PPP1R9B: variants seen among roughly 807,000 people sequenced by gnomAD.
PPP1R9B encodes the protein protein phosphatase 1 regulatory subunit 9B, also known as neurabin-2.
Under a neutral mutation model 75.8 loss-of-function variants are expected in PPP1R9B, and 17 were observed. The observed-to-expected ratio is 0.22, with a 90% CI of 0.15 to 0.34. The LOEUF is 0.34. Ranked by LOEUF, PPP1R9B falls within the 10% of genes least tolerant of loss-of-function variation. PPP1R9B has a pLI of 1.00. For synonymous variants in PPP1R9B, 509 were observed against 535.4 expected, an observed-to-expected ratio of 0.95 and a Z score of 0.68; for missense variants, 875 against 1,196.0, an observed-to-expected ratio of 0.73 and a Z score of 3.96.
chr17:50,149,188 G>GTCC lies in PPP1R9B; in HGVS notation c.1323_1325dup (p.Glu441dup). The GTCC allele has an allele frequency of 6.3e-7, 1 of 1,585,632 alleles. No homozygotes were observed. The highest frequency in any genetic ancestry group is 8.6e-7 in the Non-Finnish European group (1 of 1,166,240). Reference sequence around the variant, plus strand: ...AATGGATCTTCCGGCTCGGGGCTGGGTCCTCCTCCTCCGACAGCCCCGGGA... The same window carrying GTCC: ...AATGGATCTTCCGGCTCGGGGCTGGGTCCTCCTCCTCCTCCGACAGCCCCGGGA... On this transcript the variant is annotated inframe_insertion, in exon 1 of 10. Transcript: ENST00000612501. This position sits in a 1 kb window ranked among gnomAD's most constrained non-coding sequence, Gnocchi z 7.2.
intron 2 of PPP1R9B, among the ~76,000 whole-genome samples, chr17:50,144,754 G>A (rs995539088): frequency 3.9e-5 from 6 of 152,292 alleles, no homozygotes; most frequent in African/African-American, 1.4e-4. Context: ...GAGATTAGAT[G>A]TGACTGTGCC....
intron 7 of PPP1R9B, among the ~76,000 whole-genome samples, chr17:50,137,606 G>A (rs1419873257): frequency 2.0e-5 from 3 of 152,152 alleles, no homozygotes; most frequent in East Asian, 1.9e-4. Flanking sequence ...CACTGTCTGG[G>A]CCCCTAACCA....
At chr17:50,140,355 G>C (rs183445010) in intron 4 of PPP1R9B, 127 bp from the exon 5 acceptor site, 1 of 1,204,886 alleles carries the variant, frequency 8.3e-7, no homozygotes, top group African/African-American at 1.5e-5. Flanking sequence ...GGCTGAGTCC[G>C]AAGGCTGCAG....
At chr17:50,145,348 C>T (rs1598248894) in intron 1 of PPP1R9B, 103 bp from the exon 2 acceptor site, 1 of 1,424,258 alleles carries the variant, frequency 7.0e-7, no homozygotes, top group Non-Finnish European at 9.7e-7. Flanking sequence ...CCCATGCCTC[C>T]CCATGATAGC....
Position 50,136,236 on chromosome 17 carries a change from A to C in PPP1R9B, c.2074-39T>G, listed in dbSNP as rs371221743. 6.4e-6 allele frequency: 10 copies of C among 1,554,718 alleles called. No homozygotes were observed. The African/African-American group carries it at 6.8e-5, about 11-fold the overall frequency. On this transcript the variant is annotated intron_variant, in intron 7 of 9. Coordinates refer to ENST00000612501, the MANE Select transcript of PPP1R9B (RefSeq NM_032595.5). ...GCACGGCCCTGGGTTGGTGGGGGCC[A>C]GCAGGAGCCAAAGGGTACCCCCATC...
At chr17:50,136,254 C>A in intron 7 of PPP1R9B, 57 bp from the exon 8 acceptor site, 1 of 1,466,972 alleles carries the variant, frequency 6.8e-7, no homozygotes, top group Non-Finnish European at 9.3e-7. Flanking sequence ...CCAAAGGGTA[C>A]CCCCATCCTA....
rs553928892 is a variant in PPP1R9B at position 50,137,691 on chromosome 17, A to G, written c.2074-1494T>C. On this transcript the variant is annotated intron_variant, in intron 7 of 9. Transcript: ENST00000612501. ...GGCAGTGGCTTTCCGAAAAATCCCA[A>G]TGGCCACATACCCCATGCTATCTGT... is the stretch of plus-strand genomic sequence containing the variant. Among the ~76,000 whole-genome samples, 21 of 152,182 alleles carry G rather than the reference A, an allele frequency of 1.4e-4. No individual in the cohort carries two copies. The South Asian group carries it at 4.2e-3, about 30-fold the overall frequency.
chr17:50,150,106 C>T lies in PPP1R9B; in HGVS notation c.408G>A (p.Pro136=), dbSNP rs1037095630. Reference sequence around the variant, plus strand: ...GCAGCCGGGACGGCGGGTGCGGCGGCGGCGCAGGCTGCGCGGAGGGCGCGG... The same window carrying T: ...GCAGCCGGGACGGCGGGTGCGGCGGTGGCGCAGGCTGCGCGGAGGGCGCGG... ...SKPAPSAQPA[P]PPHPPSRLQE... Residue 136 remains proline, a synonymous_variant, in exon 1 of 10, where the codon CCG becomes CCA. Transcript: ENST00000612501. This position sits in a 1 kb window ranked among gnomAD's most constrained non-coding sequence, Gnocchi z 8.7. 74 of 1,397,862 alleles carry T rather than the reference C, an allele frequency of 5.3e-5. No individual in the cohort carries two copies. The highest frequency in any genetic ancestry group is 6.7e-5 in the Non-Finnish European group (73 of 1,081,552). 86.6% of individuals were successfully genotyped at this position (1,397,862 alleles called of 1,614,324 possible). A position where few individuals can be genotyped will look rare whatever the true frequency, so the allele number is the denominator to read the frequency against.
rs769134692 is a variant in PPP1R9B at position 50,149,126 on chromosome 17, CG to C, written c.1371+16del. 7.3e-5 allele frequency: 81 copies of C among 1,108,602 alleles called. No individual in the cohort carries two copies. Among genetic ancestry groups the C allele is most frequent in the Admixed American group, 1.9e-4 (6 of 31,582 alleles). 68.7% of individuals were successfully genotyped at this position (1,108,602 alleles called of 1,614,324 possible). ...TGGCAGGGGCGGCGCGGGGGCAGGG[CG>C]GGGGGGCTCACTTACTTGGATGGGC... On this transcript the variant is annotated intron_variant, in intron 1 of 9. Coordinates refer to ENST00000612501, the MANE Select transcript of PPP1R9B (RefSeq NM_032595.5). This position sits in a 1 kb window ranked among gnomAD's most constrained non-coding sequence, Gnocchi z 7.2.
At chr17:50,137,389 C>A (rs774005807) in intron 7 of PPP1R9B, 1 of 152,400 alleles carries the variant, frequency 6.6e-6, no homozygotes, top group Non-Finnish European at 1.5e-5. Context: ...GTGATGAGAA[C>A]AATACTGGAC....
Position 50,134,654 on chromosome 17 carries a change from TCTCC to T in PPP1R9B, c.*673_*676del, listed in dbSNP as rs912031044. The T allele has an allele frequency of 6.5e-6, 1 of 152,848 alleles. No homozygotes were observed. Among genetic ancestry groups the T allele is most frequent in the Non-Finnish European group, 1.5e-5 (1 of 68,274 alleles). The allele number at this position is 152,848 out of a possible 1,614,324, so 9.5% of individuals were successfully genotyped here. Reference sequence around the variant, plus strand: ...GAGCTGGGGACCAGGTGTCCTGAACTCTCCCTTTTTCCCACTCTCACTCCCCCTT... The same window carrying T: ...GAGCTGGGGACCAGGTGTCCTGAACTCTTTTTCCCACTCTCACTCCCCCTT... On this transcript the variant is annotated 3_prime_UTR_variant, in exon 10 of 10. Coordinates refer to ENST00000612501, the MANE Select transcript of PPP1R9B (RefSeq NM_032595.5).
At chr17:50,136,244 C>G in intron 7 of PPP1R9B, 47 bp from the exon 8 acceptor site, 1 of 1,517,614 alleles carries the variant, frequency 6.6e-7, no homozygotes, top group Non-Finnish European at 8.9e-7. Flanking sequence ...CCAGCAGGAG[C>G]CAAAGGGTAC....
Position 50,149,532 on chromosome 17 carries a change from C to A in PPP1R9B, c.982G>T (p.Ala328Ser). ...VIQAEVTVHA[A>S]LENGSTVATA... ...GCCACGGTGCTGCCATTCTCCAGGG[C>A]CGCGTGGACCGTAACCTCGGCCTGG... Residue 328 changes from alanine to serine, a missense_variant, in exon 1 of 10, where the codon GCC becomes TCC. Ala to Ser is a moderately conservative substitution (Grantham distance 99). Coordinates refer to ENST00000612501, the MANE Select transcript of PPP1R9B (RefSeq NM_032595.5). The surrounding 1 kb of genome is among the most constrained non-coding windows in gnomAD (Gnocchi z 7.2). 1 of 1,591,426 alleles carries A rather than the reference C, an allele frequency of 6.3e-7. No individual in the cohort carries two copies. Among genetic ancestry groups the A allele is most frequent in the Non-Finnish European group, 8.5e-7 (1 of 1,170,910 alleles).
At chr17:50,137,998 T>C (rs1016074219) in intron 7 of PPP1R9B, among the ~76,000 whole-genome samples, 1 of 152,146 alleles carries the variant, frequency 6.6e-6, no homozygotes, top group African/African-American at 2.4e-5. Flanking sequence ...GATCTGTCTC[T>C]CCCCACCACG....
intron 1 of PPP1R9B, among the ~76,000 whole-genome samples, chr17:50,146,515 G>A (rs1011112799): frequency 6.6e-6 from 1 of 152,160 alleles, no homozygotes; most frequent in Non-Finnish European, 1.5e-5. Context: ...TCGTGTCCCA[G>A]CCTTTGTCTG....
intron 7 of PPP1R9B, among the ~76,000 whole-genome samples, chr17:50,136,661 C>A (rs976669664): frequency 6.6e-6 from 1 of 152,148 alleles, no homozygotes; most frequent in Non-Finnish European, 1.5e-5. Flanking sequence ...GCACTTGTGG[C>A]TTCCTGAACA....
intron 8 of PPP1R9B, 86 bp downstream of exon 8, chr17:50,135,882 A>T: frequency 9.1e-7 from 1 of 1,103,316 alleles, no homozygotes. Flanking sequence ...GTGCCTCCCT[A>T]CTCAGCTGGA....
In PPP1R9B at chr17:50,150,528, G is replaced by A. The variant is rs1912668932; in HGVS notation, c.-15C>T. 1.5e-6 allele frequency: 2 copies of A among 1,316,904 alleles called. No individual in the cohort carries two copies. Among genetic ancestry groups the A allele is most frequent in the East Asian group, 3.1e-5 (1 of 31,952 alleles). 81.6% of individuals were successfully genotyped at this position (1,316,904 alleles called of 1,614,324 possible). A position where few individuals can be genotyped will look rare whatever the true frequency, so the allele number is the denominator to read the frequency against. ...GTCTTCATCATGGTGGGGGGAGCCG[G>A]GTTCGCATGCCCCTGCTCCCCGCTC... On this transcript the variant is annotated 5_prime_UTR_variant, in exon 1 of 10. Coordinates refer to ENST00000612501, the MANE Select transcript of PPP1R9B (RefSeq NM_032595.5). This position sits in a 1 kb window ranked among gnomAD's most constrained non-coding sequence, Gnocchi z 8.7.
intron 8 of PPP1R9B, 86 bp downstream of exon 8, chr17:50,135,882 A>G (rs1912214888): frequency 9.1e-7 from 1 of 1,103,320 alleles, no homozygotes; most frequent in African/African-American, 1.6e-5. Context: ...GTGCCTCCCT[A>G]CTCAGCTGGA....
Sources: allele counts gnomAD v4.1 joint callset (sites outside exome capture counted in the v4.1 genomes callset), GRCh38; gene constraint gnomAD v4.1.1; non-coding constraint Gnocchi (gnomAD v3.1); transcripts MANE v1.5; gene names NCBI Gene and HGNC (gene_info 2026-07-23, HGNC 2026-07-21).